Variants in UBE3C observed in about 807,000 individuals in gnomAD.
UBE3C encodes the protein ubiquitin-protein ligase E3C.
UBE3C carries 42 observed loss-of-function variants against 129.4 expected under a neutral mutation model. The observed-to-expected ratio is 0.32, with a 90% confidence interval of 0.25 to 0.42. UBE3C has a LOEUF of 0.42. Ranked by LOEUF, UBE3C falls within the 10% of genes least tolerant of loss-of-function variation. The pLI, the probability that UBE3C is intolerant of heterozygous loss-of-function variation, is 1.00. For missense variants in UBE3C, 1,049 were observed against 1,319.1 expected, an observed-to-expected ratio of 0.80 and a Z score of 3.17; for synonymous variants, 510 against 492.4, an observed-to-expected ratio of 1.04 and a Z score of -0.47.
Position 157,216,964 on chromosome 7 carries a change from C to T in UBE3C, c.1907C>T (p.Ala636Val), listed in dbSNP as rs1795596522. 1.9e-6 allele frequency: 3 copies of T among 1,611,730 alleles called. No individual in the cohort carries two copies. Among genetic ancestry groups the T allele is most frequent in the Non-Finnish European group, 2.5e-6 (3 of 1,178,128 alleles). ...HWLSEQEDIKADKVTQLYVPA... is the reference protein window; with the variant it reads ...HWLSEQEDIKVDKVTQLYVPA... ...CTGTCAGAACAAGAAGATATTAAAG[C>T]AGATAAGGTGTTATTGAAAGATCTT... Residue 636 changes from alanine to valine, a missense_variant, in exon 14 of 23, where the codon GCA becomes GTA. Transcript: ENST00000348165.
intron 17 of UBE3C, among the ~76,000 whole-genome samples, chr7:157,229,472 G>A (rs544093274): frequency 1.3e-5 from 2 of 151,762 alleles, no homozygotes; most frequent in East Asian, 3.9e-4. Flanking sequence ...GCACCACCAC[G>A]CCCGGCTAAT....
chr7:157,240,947 G>A (rs1363512697), intron 18 of UBE3C, among the ~76,000 whole-genome samples: 1 of 152,156 alleles, frequency 6.6e-6, no homozygotes, highest in Non-Finnish European at 1.5e-5. Context: ...ACTCTCAGGA[G>A]CTAAAATCTT....
chr7:157,224,838 A>G (rs889818084), intron 16 of UBE3C, among the ~76,000 whole-genome samples: 11 of 151,840 alleles, frequency 7.2e-5, no homozygotes, highest in Non-Finnish European at 1.5e-4. Context: ...ACTCACTCAC[A>G]TAATTCCTGA....
intron 1 of UBE3C, among the ~76,000 whole-genome samples, chr7:157,156,433 A>G (rs980825392): frequency 1.3e-5 from 2 of 151,006 alleles, no homozygotes; most frequent in African/African-American, 2.4e-5. Flanking sequence ...CAGCCTTTCA[A>G]GTAGCTGGGA....
At chr7:157,146,786 C>T (rs554636694) in intron 1 of UBE3C, among the ~76,000 whole-genome samples, 6 of 152,174 alleles carry the variant, frequency 3.9e-5, no homozygotes, top group South Asian at 2.1e-4. Context: ...TCCTGAGTAG[C>T]TGGGTGGGCA....
chr7:157,143,937 C>T (rs3802133), intron 1 of UBE3C, among the ~76,000 whole-genome samples: 25,613 of 152,036 alleles, frequency 0.17, 2,429 homozygotes, highest in East Asian at 0.35. Flanking sequence ...GTCACACCTC[C>T]GGGAGTGGAG....
intron 9 of UBE3C, among the ~76,000 whole-genome samples, chr7:157,185,567 T>C (rs573511670): frequency 6.6e-6 from 1 of 152,316 alleles, no homozygotes; most frequent in South Asian, 2.1e-4. Context: ...CTTTGCCATG[T>C]CTCTTACCTG....
chr7:157,219,827 A>C (rs1795688598), intron 14 of UBE3C, among the ~76,000 whole-genome samples: 1 of 151,906 alleles, frequency 6.6e-6, no homozygotes, highest in South Asian at 2.1e-4. Flanking sequence ...TGAACCTGGG[A>C]GGCAGAGGTT....
chr7:157,151,174 T>C (rs567048202), intron 1 of UBE3C, among the ~76,000 whole-genome samples: 16 of 152,360 alleles, frequency 1.1e-4, no homozygotes, highest in African/African-American at 3.8e-4. Context: ...GACATAATCC[T>C]GAAGCCACCG....
rs371467962 is a variant in UBE3C, at chr7:157,237,372, C to T, written c.2481+6045C>T. Among the ~76,000 whole-genome samples the T allele has an allele frequency of 4.0e-3, 611 of 152,076 alleles. 1 individual carries two copies. The highest frequency in any genetic ancestry group is 5.1e-3 in the African/African-American group (211 of 41,464). ...AGGAGAATGGCGTGAACCCGGGAGG[C>T]GGAGCTTGCAGTGAGCCGAGATTGC... On this transcript the variant is annotated intron_variant, in intron 18 of 22. Transcript: ENST00000348165.
chr7:157,165,123 C>T (rs1306330863), intron 2 of UBE3C, among the ~76,000 whole-genome samples: 1 of 152,170 alleles, frequency 6.6e-6, no homozygotes, highest in Non-Finnish European at 1.5e-5. Flanking sequence ...AGGGAGGGCA[C>T]TGCTCAACCA....
intron 5 of UBE3C, among the ~76,000 whole-genome samples, chr7:157,177,201 G>A (rs1003670900): frequency 6.6e-6 from 1 of 152,184 alleles, no homozygotes; most frequent in African/African-American, 2.4e-5. Context: ...TCTGATGGGT[G>A]TGTAGCTGTA....
intron 19 of UBE3C, among the ~76,000 whole-genome samples, chr7:157,253,322 TGTG>T (rs1426361735): frequency 3.3e-5 from 5 of 152,348 alleles, no homozygotes; most frequent in East Asian, 1.9e-4. Flanking sequence ...TGAGCACTCT[TGTG>T]GTGTTTATGG....
intron 4 of UBE3C, among the ~76,000 whole-genome samples, chr7:157,172,081 G>A (rs1808394136): frequency 6.6e-6 from 1 of 150,586 alleles, no homozygotes; most frequent in African/African-American, 2.5e-5. Context: ...CGCCCAGGCT[G>A]GAGTGTAGTG....
At chr7:157,198,063 CCT>C in intron 10 of UBE3C, 2 of 1,610,424 alleles carry the variant, frequency 1.2e-6, no homozygotes, top group Non-Finnish European at 1.7e-6. Context: ...GGGGATCTCT[CCT>C]CTTTTAACAA....
At chr7:157,220,384 A>G (rs141784243) in intron 14 of UBE3C, among the ~76,000 whole-genome samples, 7 of 152,360 alleles carry the variant, frequency 4.6e-5, no homozygotes, top group Non-Finnish European at 1.0e-4. Context: ...AAAGTGATCT[A>G]TTTTGCTTCA....
chr7:157,184,787 T>C (rs1011658465), intron 9 of UBE3C, among the ~76,000 whole-genome samples: 4 of 152,322 alleles, frequency 2.6e-5, no homozygotes, highest in African/African-American at 7.2e-5. Flanking sequence ...GCTTCACTAG[T>C]ATCGAATGAA....
chr7:157,267,748 TGAGCTG>T lies in UBE3C; in HGVS notation c.3246_3251del (p.Ser1083_Ter1084delextTer?). 1 of 1,603,328 alleles carries T rather than the reference TGAGCTG, an allele frequency of 6.2e-7. No homozygotes were observed. Among genetic ancestry groups the T allele is most frequent in the Non-Finnish European group, 8.5e-7 (1 of 1,174,786 alleles). The stretch of plus-strand genomic sequence containing the variant: ...ATTGAATGTGCCGCTGGCTTTGAGC[TGAGCTG>T]AAGCTGATGCTGGGGTCAGACCCCT... On this transcript the variant is annotated stop_lost and inframe_deletion, in exon 23 of 23. Coordinates refer to ENST00000348165, the MANE Select transcript of UBE3C (RefSeq NM_014671.3).
intron 13 of UBE3C, among the ~76,000 whole-genome samples, 157 bp downstream of exon 13, chr7:157,208,092 T>G (rs868296148): frequency 1.7e-3 from 224 of 128,128 alleles, no homozygotes; most frequent in Non-Finnish European, 2.4e-3. Context: ...TTTTTTTTTT[T>G]GATACATGGA....
Sources: gnomAD v4.1 joint callset for allele counts (sites outside exome capture counted in the v4.1 genomes callset) on GRCh38, gnomAD v4.1.1 for gene constraint, MANE v1.5 for transcripts, NCBI Gene and HGNC (gene_info 2026-07-23, HGNC 2026-07-21) for gene names.